The following PCDHGA3 variants were observed in gnomAD, a reference collection of about 807,000 sequenced individuals.
PCDHGA3 encodes protocadherin gamma-A3.
A neutral mutation model predicts 58.5 loss-of-function variants in PCDHGA3; 40 were observed. The observed-to-expected ratio is 0.68, with a 90% CI of 0.53 to 0.89. PCDHGA3 has a LOEUF of 0.89. Among genes scored for constraint, PCDHGA3 ranks in the 40% least tolerant of loss-of-function variants. The pLI is 0.00. For missense variants in PCDHGA3, 1,223 were observed against 1,195.9 expected (o/e 1.02, Z -0.33); for synonymous variants, 530 against 525.7 (o/e 1.01, Z -0.11).
intron 1 of PCDHGA3, chr5:141,382,881 C>G (rs780011802): frequency 6.5e-7 from 1 of 1,527,170 alleles, no homozygotes; most frequent in South Asian, 1.3e-5. Context: ...GGCGCCTAAG[C>G]AAGAGAAGCA....
At chr5:141,497,741 G>A (rs767561907) in intron 2 of PCDHGA3, among the ~76,000 whole-genome samples, 24 of 152,050 alleles carry the variant, frequency 1.6e-4, no homozygotes, top group Non-Finnish European at 2.6e-4. Context: ...GTTTCGCCAC[G>A]TTGGCCAGGC....
At chr5:141,472,408 G>T (rs780468341) in intron 1 of PCDHGA3, among the ~76,000 whole-genome samples, 1 of 152,064 alleles carries the variant, frequency 6.6e-6, no homozygotes, top group Non-Finnish European at 1.5e-5. Flanking sequence ...AGGCGTGGTG[G>T]CACGCACCTG....
At position 141,356,156 on chromosome 5, in the gene PCDHGA3, T is replaced by C. The variant is rs562303967; in HGVS notation, c.2424+9699T>C. ...GACTCTGGATTCTATGACATAGATG[T>C]AGAAGCCCATGATGGGCCTGGTCTC... On this transcript the variant is annotated intron_variant, in intron 1 of 3. Coordinates refer to ENST00000253812, the MANE Select transcript of PCDHGA3 (RefSeq NM_018916.4). The C allele has an allele frequency of 2.3e-5, 37 of 1,613,352 alleles. No individual in the cohort carries two copies. The Admixed American group carries it at 2.3e-4, about 10-fold the overall frequency.
intron 1 of PCDHGA3, among the ~76,000 whole-genome samples, chr5:141,358,090 T>C (rs1298927847): frequency 6.6e-6 from 1 of 152,192 alleles, no homozygotes; most frequent in African/African-American, 2.4e-5. Flanking sequence ...CCCTGGAGGC[T>C]GAGGCATGAG....
intron 1 of PCDHGA3, chr5:141,441,799 G>C (rs546770596): frequency 2.6e-6 from 1 of 385,350 alleles, no homozygotes; most frequent in Non-Finnish European, 5.2e-6. Context: ...AACGCACCGC[G>C]GGTGCTGTAC....
chr5:141,357,501 C>G, intron 1 of PCDHGA3: 1 of 1,614,254 alleles, frequency 6.2e-7, no homozygotes, highest in South Asian at 1.1e-5. Context: ...GGAAGAGTCA[C>G]CTGATCTTCT....
At chr5:141,372,970 T>C (rs866196404) in intron 1 of PCDHGA3, 1 of 680,560 alleles carries the variant, frequency 1.5e-6, no homozygotes, top group East Asian at 2.8e-5. Flanking sequence ...GAATTTCCTG[T>C]AGAATATCTG....
intron 1 of PCDHGA3, among the ~76,000 whole-genome samples, chr5:141,455,428 GA>G (rs2098822635): frequency 6.6e-6 from 1 of 152,176 alleles, no homozygotes; most frequent in Non-Finnish European, 1.5e-5. Context: ...GGCTCCAAAA[GA>G]GGAGGTCCCC....
At chr5:141,462,152 G>C (rs1336635196) in intron 1 of PCDHGA3, among the ~76,000 whole-genome samples, 6 of 152,034 alleles carry the variant, frequency 3.9e-5, no homozygotes, top group African/African-American at 7.2e-5. Flanking sequence ...TAGAGATGGG[G>C]TTTCATCATG....
chr5:141,495,853 C>T (rs1254274145), intron 2 of PCDHGA3, among the ~76,000 whole-genome samples: 1 of 152,136 alleles, frequency 6.6e-6, no homozygotes, highest in African/African-American at 2.4e-5. Context: ...TTCTCTGTCT[C>T]TCACTATTTC....
Position 141,355,384 on chromosome 5 carries a change from C to G in PCDHGA3, c.2424+8927C>G, listed in dbSNP as rs570057542. On this transcript the variant is annotated intron_variant, in intron 1 of 3. Transcript: ENST00000253812. ...GTTGGCGCCCCGGGAGCTGGCGGAG[C>G]GCGGAGTCCGCATCGTCTCCAGAGG... 25 of 1,614,008 alleles carry G rather than the reference C, an allele frequency of 1.5e-5. No individual in the cohort carries two copies. In the African/African-American group the frequency reaches 3.2e-4, roughly 21 times the overall value.
chr5:141,427,229 G>A (rs1377470019), intron 1 of PCDHGA3: 3 of 456,628 alleles, frequency 6.6e-6, no homozygotes, highest in Non-Finnish European at 1.3e-5. Context: ...GTTATACCAT[G>A]AGAGTAGAAG....
At chr5:141,418,802 T>C in intron 1 of PCDHGA3, 1 of 1,613,862 alleles carries the variant, frequency 6.2e-7, no homozygotes, top group Non-Finnish European at 8.5e-7. Flanking sequence ...AGTAGAAAGA[T>C]ATACGATAAA....
At chr5:141,388,993 G>C (rs778336882) in intron 1 of PCDHGA3, 1 of 1,614,026 alleles carries the variant, frequency 6.2e-7, no homozygotes, top group South Asian at 1.1e-5. Context: ...CTCAAAGTCC[G>C]TGACAAGGAT....
At chr5:141,359,927 C>T in intron 1 of PCDHGA3, 2 of 456,184 alleles carry the variant, frequency 4.4e-6, no homozygotes, top group Non-Finnish European at 7.5e-6. Context: ...CTGAGAAAAC[C>T]TCTGAGCGTC....
Position 141,491,726 on chromosome 5 carries a change from C to A in PCDHGA3, c.2425-3081C>A, listed in dbSNP as rs1018940432. ...GTGAGGGGCTCGGCGCCGCCCCGGG[C>A]GACCCCTGGGGGCGGCACTGGAGAA... On this transcript the variant is annotated intron_variant, in intron 1 of 3. Coordinates refer to ENST00000253812, the MANE Select transcript of PCDHGA3 (RefSeq NM_018916.4). This position sits in a 1 kb window ranked among gnomAD's most constrained non-coding sequence, Gnocchi z 6.9. 2.2e-5 allele frequency: 36 copies of A among 1,605,766 alleles called. No individual in the cohort carries two copies. Among genetic ancestry groups the A allele is most frequent in the African/African-American group, 4.0e-5 (3 of 74,588 alleles).
At position 141,487,510 on chromosome 5, in the gene PCDHGA3, C is replaced by A; in HGVS notation, c.2425-7297C>A. On this transcript the variant is annotated intron_variant, in intron 1 of 3. Transcript: ENST00000253812. The surrounding 1 kb of genome is among the most constrained non-coding windows in gnomAD (Gnocchi z 5.0). ...GCTGTACACCCTTGGCTTCTGCACC[C>A]ACTCGGAGTGATAGCTTCATGATGG... is the stretch of plus-strand genomic sequence containing the variant. The A allele has an allele frequency of 6.2e-7, 1 of 1,614,210 alleles. No homozygotes were observed. Among genetic ancestry groups the A allele is most frequent in the Non-Finnish European group, 8.5e-7 (1 of 1,180,042 alleles).
At chr5:141,378,717 A>AG (rs1263141486) in intron 1 of PCDHGA3, 3 of 152,242 alleles carry the variant, frequency 2.0e-5, no homozygotes, top group Non-Finnish European at 4.4e-5. Flanking sequence ...TTCATCATAT[A>AG]GGAACTCTTT....
chr5:141,447,018 G>GT (rs1329161304), intron 1 of PCDHGA3, among the ~76,000 whole-genome samples: 6 of 142,194 alleles, frequency 4.2e-5, no homozygotes, highest in African/African-American at 1.6e-4. Context: ...GTTCAGTTTT[G>GT]TTTTGTTTTT....
Sources: allele counts gnomAD v4.1 joint callset (sites outside exome capture counted in the v4.1 genomes callset), GRCh38; gene constraint gnomAD v4.1.1; non-coding constraint Gnocchi (gnomAD v3.1); transcripts MANE v1.5; gene names NCBI Gene and HGNC (gene_info 2026-07-23, HGNC 2026-07-21).